The following FUCA2 variants were observed in gnomAD, a reference collection of about 807,000 sequenced individuals.
FUCA2 encodes the protein alpha-L-fucosidase 2.
A neutral mutation model predicts 52.6 loss-of-function variants in FUCA2; 41 were observed. That is an observed-to-expected ratio of 0.78 (90% CI 0.61 to 1.01). FUCA2 has a LOEUF of 1.01. Ranked by LOEUF, FUCA2 falls within the 50% of genes least tolerant of loss-of-function variation. FUCA2 has a pLI of 0.00. For missense variants in FUCA2, 507 were observed against 569.5 expected (o/e 0.89, Z 1.12); for synonymous variants, 211 against 217.3 (o/e 0.97, Z 0.26).
chr6:143,506,965 C>T (rs1220254783), intron 2 of FUCA2: 2 of 386,642 alleles, frequency 5.2e-6, no homozygotes, highest in Admixed American at 4.9e-5. Flanking sequence ...CAACAAACAG[C>T]TTTAAGTAAA....
intron 2 of FUCA2, chr6:143,506,213 T>A (rs969132618): frequency 7.5e-5 from 8 of 106,830 alleles, no homozygotes; most frequent in East Asian, 3.1e-4. Flanking sequence ...TTTTTTTTTT[T>A]GAGACAGGAT....
Position 143,497,495 on chromosome 6 carries a change from T to C in FUCA2, c.1157A>G (p.Tyr386Cys). Residue 386 changes from tyrosine (Y) to cysteine (C), a missense_variant and splice_region_variant, in exon 6 of 7, where the codon TAC becomes TGC. Tyr to Cys is a radical substitution (Grantham distance 194, BLOSUM62 -2). Coordinates refer to ENST00000002165, the MANE Select transcript of FUCA2 (RefSeq NM_032020.5). This position sits in a 1 kb window ranked among gnomAD's most constrained non-coding sequence, Gnocchi z 5.3. The part of the protein sequence containing the change: ...QNDTVTPDVW[Y>C]TSKPKEKLVY... ...TAATTTTTCTTTAGGCTTGGATGTG[T>C]ACCTGGTTAAAAGAAAAAAATAAAG... The C allele has an allele frequency of 6.3e-7, 1 of 1,587,388 alleles. No homozygotes were observed. The highest frequency in any genetic ancestry group is 1.1e-5 in the South Asian group (1 of 89,898).
chr6:143,499,202 A>G lies in FUCA2; in HGVS notation c.1155-1705T>C, dbSNP rs995123628. On this transcript the variant is annotated intron_variant, in intron 5 of 6. Transcript: ENST00000002165. This position sits in a 1 kb window ranked among gnomAD's most constrained non-coding sequence, Gnocchi z 6.0. ...GTTCGGAAAGAGGTCTGCACTGGAA[A>G]TAGAAATGTGGAGATCATCAATATG... Among the ~76,000 whole-genome samples, 9 of 152,238 alleles carry G rather than the reference A, an allele frequency of 5.9e-5. No homozygotes were observed. Among genetic ancestry groups the G allele is most frequent in the African/African-American group, 1.9e-4 (8 of 41,456 alleles).
chr6:143,496,427 A>G (rs1780461055), intron 6 of FUCA2: 1 of 152,278 alleles, frequency 6.6e-6, no homozygotes, highest in Non-Finnish European at 1.5e-5. Context: ...CAAAAAGAAC[A>G]TAGATAAAAT....
Position 143,497,752 on chromosome 6 carries a change from A to G in FUCA2, c.1155-255T>C, listed in dbSNP as rs889509326. 9.2e-5 allele frequency among the ~76,000 whole-genome samples: 14 copies of G among 152,196 alleles called. No individual in the cohort carries two copies. Among genetic ancestry groups the G allele is most frequent in the Non-Finnish European group, 1.8e-4 (12 of 68,030 alleles). On this transcript the variant is annotated intron_variant, in intron 5 of 6. Coordinates refer to ENST00000002165, the MANE Select transcript of FUCA2 (RefSeq NM_032020.5). The surrounding 1 kb of genome is among the most constrained non-coding windows in gnomAD (Gnocchi z 5.3). ...TCATCAGACTGCTCTCATGGAGCTG[A>G]AAAGGGGAGGGAGATGATCTAAGGG... is the stretch of plus-strand genomic sequence containing the variant.
At chr6:143,496,929 T>G (rs1490699959) in intron 6 of FUCA2, 1 of 152,698 alleles carries the variant, frequency 6.5e-6, no homozygotes, top group Non-Finnish European at 1.5e-5. Context: ...AAACAAAAAG[T>G]TTCAAAGATT....
At position 143,501,072 on chromosome 6, in the gene FUCA2, G is replaced by A. The variant is rs148163242; in HGVS notation, c.1154+860C>T. 8.7e-4 allele frequency among the ~76,000 whole-genome samples: 133 copies of A among 152,290 alleles called. 1 individual carries two copies. Among genetic ancestry groups the A allele is most frequent in the Non-Finnish European group, 1.6e-3 (111 of 68,032 alleles). ...CAGATACCCTCATATTCAAATGTAA[G>A]TATTCAAAAGTAAGAAGCAAATTCC... On this transcript the variant is annotated intron_variant, in intron 5 of 6. Transcript: ENST00000002165. The surrounding 1 kb of genome is among the most constrained non-coding windows in gnomAD (Gnocchi z 6.1).
Position 143,511,290 on chromosome 6 carries a change from G to C in FUCA2, c.224+121C>G. 2.4e-6 allele frequency: 2 copies of C among 820,656 alleles called. No homozygotes were observed. The highest frequency in any genetic ancestry group is 3.7e-6 in the Non-Finnish European group (2 of 541,554). The allele number at this position is 820,656 out of a possible 1,614,324, so 50.8% of individuals were successfully genotyped here. ...GTGCGAAACGCGGGTAACGCAGTGG[G>C]AGGTGAAACCGACGAGGGTGCAGGC... On this transcript the variant is annotated intron_variant, in intron 1 of 6. Coordinates refer to ENST00000002165, the MANE Select transcript of FUCA2 (RefSeq NM_032020.5). This position sits in a 1 kb window ranked among gnomAD's most constrained non-coding sequence, Gnocchi z 6.3.
At position 143,503,638 on chromosome 6, in the gene FUCA2, G is replaced by T. The variant is rs921197253; in HGVS notation, c.752+275C>A. On this transcript the variant is annotated intron_variant, in intron 3 of 6. Transcript: ENST00000002165. The surrounding 1 kb of genome is among the most constrained non-coding windows in gnomAD (Gnocchi z 4.8). ...ACCAGGGTAGGAGAGAAAAAGGGGG[G>T]ACCCACAAAATTAACACCTTCAAAG... 3.6e-5 allele frequency: 12 copies of T among 336,124 alleles called. 1 individual carries two copies. Among genetic ancestry groups the T allele is most frequent in the East Asian group, 5.8e-5 (1 of 17,328 alleles). 20.8% of individuals were successfully genotyped at this position (336,124 alleles called of 1,614,324 possible).
At position 143,495,335 on chromosome 6, in the gene FUCA2, A is replaced by T. The variant is rs1056531061; in HGVS notation, c.*372T>A. 5.7e-6 allele frequency: 1 copy of T among 175,324 alleles called. No individual in the cohort carries two copies. The highest frequency in any genetic ancestry group is 5.7e-5 in the Admixed American group (1 of 17,664). 10.9% of individuals were successfully genotyped at this position (175,324 alleles called of 1,614,324 possible). On this transcript the variant is annotated 3_prime_UTR_variant, in exon 7 of 7. Coordinates refer to ENST00000002165, the MANE Select transcript of FUCA2 (RefSeq NM_032020.5). The surrounding 1 kb of genome is among the most constrained non-coding windows in gnomAD (Gnocchi z 5.2). ...AAAATTGACTAGCAATGCATTTCCC[A>T]GAAAATATCCCCATATTAAGTGATG...
At position 143,497,615 on chromosome 6, in the gene FUCA2, A is replaced by G; in HGVS notation, c.1155-118T>C. 2 of 580,574 alleles carry G rather than the reference A, an allele frequency of 3.4e-6. No homozygotes were observed. Among genetic ancestry groups the G allele is most frequent in the Non-Finnish European group, 6.0e-6 (2 of 331,782 alleles). 36.0% of individuals were successfully genotyped at this position (580,574 alleles called of 1,614,324 possible). A position where few individuals can be genotyped will look rare whatever the true frequency, so the allele number is the denominator to read the frequency against. On this transcript the variant is annotated intron_variant, in intron 5 of 6. Transcript: ENST00000002165. The surrounding 1 kb of genome is among the most constrained non-coding windows in gnomAD (Gnocchi z 5.3). ...CAGATACTTCCACAATGTCACCACT[A>G]ATAGAAGGGAAGGAAAAATAGCCTC... is the stretch of plus-strand genomic sequence containing the variant.
Position 143,497,267 on chromosome 6 carries a change from C to G in FUCA2, c.1263+122G>C. 1.5e-6 allele frequency: 1 copy of G among 682,312 alleles called. No homozygotes were observed. The highest frequency in any genetic ancestry group is 2.6e-6 in the Non-Finnish European group (1 of 384,272). 42.3% of individuals were successfully genotyped at this position (682,312 alleles called of 1,614,324 possible). On this transcript the variant is annotated intron_variant, in intron 6 of 6. Coordinates refer to ENST00000002165, the MANE Select transcript of FUCA2 (RefSeq NM_032020.5). The surrounding 1 kb of genome is among the most constrained non-coding windows in gnomAD (Gnocchi z 5.3). ...TGAGCCACAATGCTTGGCTGGAGCT[C>G]ATTTACAATTCCTTTTATGAAGTAT...
At position 143,510,638 on chromosome 6, in the gene FUCA2, CAAA is replaced by C. The variant is rs57091762; in HGVS notation, c.224+770_224+772del. ...TGGGTGACAGAATGAGACTATGTCT[CAAA>C]AAAAAAAAAAAAAGAATATATTATG... is the stretch of plus-strand genomic sequence containing the variant. On this transcript the variant is annotated intron_variant, in intron 1 of 6. Coordinates refer to ENST00000002165, the MANE Select transcript of FUCA2 (RefSeq NM_032020.5). The surrounding 1 kb of genome is among the most constrained non-coding windows in gnomAD (Gnocchi z 4.4). 7.8e-5 allele frequency among the ~76,000 whole-genome samples: 6 copies of C among 77,084 alleles called. No individual in the cohort carries two copies. The highest frequency in any genetic ancestry group is 8.6e-5 in the African/African-American group (2 of 23,320). 50.6% of individuals were successfully genotyped at this position (77,084 alleles called of 152,430 possible).
At position 143,504,188 on chromosome 6, in the gene FUCA2, C is replaced by T. The variant is rs773044656; in HGVS notation, c.477G>A (p.Arg159=). Residue 159 remains arginine (R), a synonymous_variant, in exon 3 of 7, where the codon AGG becomes AGA. Transcript: ENST00000002165. This position sits in a 1 kb window ranked among gnomAD's most constrained non-coding sequence, Gnocchi z 4.4. ...NWNAIDEGPK[R]DIVKELEVAI... ...CTACCTCAAGTTCCTTGACAATGTC[C>T]CTCTTGGGCCCCTCATCTATGGCAT... 7.4e-6 allele frequency: 12 copies of T among 1,614,012 alleles called. No individual in the cohort carries two copies. In the East Asian group the frequency reaches 1.6e-4, roughly 21 times the overall value.
rs536475094 is a variant in FUCA2 at position 143,507,907 on chromosome 6, G to A, written c.225-483C>T. ...TGGTCTTAAACTCCTGGGCTCAAGC[G>A]ATCTTCCTGCTTCAGTCTCCCGAAG... On this transcript the variant is annotated intron_variant, in intron 1 of 6. Transcript: ENST00000002165. This position sits in a 1 kb window ranked among gnomAD's most constrained non-coding sequence, Gnocchi z 4.5. 7.1e-4 allele frequency among the ~76,000 whole-genome samples: 108 copies of A among 152,106 alleles called. 1 individual carries two copies. The highest frequency in any genetic ancestry group is 6.8e-3 in the Middle Eastern group (2 of 294).
rs1377065607 is a variant in FUCA2, at chr6:143,501,027, A to G, written c.1154+905T>C. Among the ~76,000 whole-genome samples the G allele has an allele frequency of 2.0e-5, 3 of 152,212 alleles. No homozygotes were observed. In the East Asian group the frequency reaches 5.8e-4, roughly 29 times the overall value. On this transcript the variant is annotated intron_variant, in intron 5 of 6. Coordinates refer to ENST00000002165, the MANE Select transcript of FUCA2 (RefSeq NM_032020.5). The surrounding 1 kb of genome is among the most constrained non-coding windows in gnomAD (Gnocchi z 6.1). Reference sequence around the variant, plus strand: ...AATAAACACAATAGAATAATGGTTAATGATTGTGAAGTCCCAGATCAGATA... The same window carrying G: ...AATAAACACAATAGAATAATGGTTAGTGATTGTGAAGTCCCAGATCAGATA...
At position 143,511,702 on chromosome 6, in the gene FUCA2, C is replaced by G; in HGVS notation, c.-68G>C. 2 of 1,368,340 alleles carry G rather than the reference C, an allele frequency of 1.5e-6. No homozygotes were observed. Among genetic ancestry groups the G allele is most frequent in the Non-Finnish European group, 1.9e-6 (2 of 1,042,246 alleles). The allele number at this position is 1,368,340 out of a possible 1,614,324, so 84.8% of individuals were successfully genotyped here. A position where few individuals can be genotyped will look rare whatever the true frequency, so the allele number is the denominator to read the frequency against. Reference sequence around the variant, plus strand: ...CCTCGGGAGCGCTGTTCTTCCGTCTCTGCCGCTGAGTATGCCGCGCCGCGG... The same window carrying G: ...CCTCGGGAGCGCTGTTCTTCCGTCTGTGCCGCTGAGTATGCCGCGCCGCGG... On this transcript the variant is annotated 5_prime_UTR_variant, in exon 1 of 7. Transcript: ENST00000002165. This position sits in a 1 kb window ranked among gnomAD's most constrained non-coding sequence, Gnocchi z 6.3.
chr6:143,497,150 A>T lies in FUCA2; in HGVS notation c.1263+239T>A, dbSNP rs530474133. On this transcript the variant is annotated intron_variant, in intron 6 of 6. Coordinates refer to ENST00000002165, the MANE Select transcript of FUCA2 (RefSeq NM_032020.5). The surrounding 1 kb of genome is among the most constrained non-coding windows in gnomAD (Gnocchi z 5.3). ...AACTTTAAAAAAAATTTTTGTAGAC[A>T]GGGGTCTTGCTATGTTGCCCAGGCT... 1.6e-5 allele frequency: 7 copies of T among 426,472 alleles called. No homozygotes were observed. The highest frequency in any genetic ancestry group is 1.2e-4 in the African/African-American group (6 of 49,108). 26.4% of individuals were successfully genotyped at this position (426,472 alleles called of 1,614,324 possible).
chr6:143,497,405 A>G lies in FUCA2; in HGVS notation c.1247T>C (p.Ile416Thr). 1.9e-6 allele frequency: 3 copies of G among 1,611,608 alleles called. No individual in the cohort carries two copies. Among genetic ancestry groups the G allele is most frequent in the East Asian group, 2.2e-5 (1 of 44,864 alleles). ...CCCTCTTACCTCTGTTGCCCCCAGA[A>G]TAGCTTTGGGATGGCCAAGGAACAG... ...GQLFLGHPKAILGATEVKLLG... is the reference protein window; with the variant it reads ...GQLFLGHPKATLGATEVKLLG... The change falls in exon 6 of 7, where the codon ATT becomes ACT. Residue 416 changes from isoleucine to threonine, a missense_variant. Physicochemically the swap from Ile to Thr is moderately conservative, Grantham distance 89. Coordinates refer to ENST00000002165, the MANE Select transcript of FUCA2 (RefSeq NM_032020.5). This position sits in a 1 kb window ranked among gnomAD's most constrained non-coding sequence, Gnocchi z 5.3.
Sources: allele counts gnomAD v4.1 joint callset (sites outside exome capture counted in the v4.1 genomes callset), GRCh38; gene constraint gnomAD v4.1.1; non-coding constraint Gnocchi (gnomAD v3.1); transcripts MANE v1.5; gene names NCBI Gene and HGNC (gene_info 2026-07-23, HGNC 2026-07-21).